ATP2A3: variants seen among roughly 807,000 people sequenced by gnomAD.
ATP2A3 encodes sarcoplasmic/endoplasmic reticulum calcium ATPase 3.
In ATP2A3, 61 loss-of-function variants were observed where a neutral mutation model predicts 106.8. That is an observed-to-expected ratio of 0.57 (90% confidence interval 0.46 to 0.71). ATP2A3 has a LOEUF of 0.71. Ranked by LOEUF, ATP2A3 falls within the 30% of genes least tolerant of loss-of-function variation. The pLI is 0.00. For missense variants in ATP2A3, 1,201 were observed against 1,423.5 expected (o/e 0.84, Z 2.52); for synonymous variants, 611 against 609.3 (o/e 1.00, Z -0.04).
At chr17:3,939,786 T>TAAAAAAA (rs71381543) in intron 14 of ATP2A3, among the ~76,000 whole-genome samples, 1 of 50,486 alleles carries the variant, frequency 2.0e-5, no homozygotes, top group Non-Finnish European at 4.0e-5. Context: ...AGACTCTGTC[T>TAAAAAAA]AAAAAAAAAA....
At chr17:3,950,977 A>G (rs572285387) in intron 5 of ATP2A3, among the ~76,000 whole-genome samples, 124 of 151,880 alleles carry the variant, frequency 8.2e-4, no homozygotes, top group African/African-American at 2.8e-3. Context: ...TCCGACAGCC[A>G]CCCCCTCTGT....
At chr17:3,944,878 C>CTAGGGGCGGGG in intron 9 of ATP2A3, 72 bp from the exon 10 acceptor site, 1 of 897,744 alleles carries the variant, frequency 1.1e-6, no homozygotes, top group Non-Finnish European at 1.6e-6. Flanking sequence ...TTGGCCCCGC[C>CTAGGGGCGGGG]CCTAGGAGGG....
intron 16 of ATP2A3, 72 bp from the exon 17 acceptor site, chr17:3,935,349 A>G: frequency 7.2e-7 from 1 of 1,387,872 alleles, no homozygotes; most frequent in Non-Finnish European, 1.0e-6. Flanking sequence ...CCTGCCTAAT[A>G]ATTCCCTGAA....
intron 12 of ATP2A3, 135 bp downstream of exon 12, chr17:3,942,471 G>A: frequency 7.5e-7 from 1 of 1,331,128 alleles, no homozygotes. Context: ...CCACCGGTTA[G>A]AGGCAAAAGG....
chr17:3,940,331 G>A (rs1289796993), intron 14 of ATP2A3, among the ~76,000 whole-genome samples: 1 of 152,090 alleles, frequency 6.6e-6, no homozygotes, highest in Non-Finnish European at 1.5e-5. Context: ...TCTAAAGTAG[G>A]TGAGGGGGAA....
chr17:3,951,558 G>GCCC, intron 4 of ATP2A3, 23 bp downstream of exon 4: 1 of 716,224 alleles, frequency 1.4e-6, no homozygotes, highest in Non-Finnish European at 2.1e-6. Flanking sequence ...CCCCCGCCCG[G>GCCC]TCCCACCCCC....
intron 1 of ATP2A3, among the ~76,000 whole-genome samples, chr17:3,963,464 T>C (rs2055250072): frequency 6.6e-6 from 1 of 152,196 alleles, no homozygotes; most frequent in Non-Finnish European, 1.5e-5. Flanking sequence ...AGAGCAAGAA[T>C]CCCACACTCC....
Position 3,964,199 on chromosome 17 carries a change from G to T in ATP2A3, c.93C>A (p.Gly31=). 1 of 1,247,052 alleles carries T rather than the reference G, an allele frequency of 8.0e-7. No homozygotes were observed. Among genetic ancestry groups the T allele is most frequent in the Non-Finnish European group, 1.0e-6 (1 of 984,906 alleles). The allele number at this position is 1,247,052 out of a possible 1,614,324, so 77.2% of individuals were successfully genotyped here. A position where few individuals can be genotyped will look rare whatever the true frequency, so the allele number is the denominator to read the frequency against. Residue 31 remains glycine (G), a synonymous_variant, in exon 1 of 21, where the codon GGC becomes GGA. Transcript: ENST00000397041. ...EGGLSPAQVT[G]ARERYGPNEL... ...CGTTGGGGCCGTAGCGCTCCCGCGC[G>T]CCGGTCACCTGCGCCGGGCTCAGGC...
In ATP2A3 at chr17:3,941,651, C is replaced by T; in HGVS notation, c.1549G>A (p.Ala517Thr). 1 of 1,606,552 alleles carries T rather than the reference C, an allele frequency of 6.2e-7. No homozygotes were observed. The highest frequency in any genetic ancestry group is 8.5e-7 in the Non-Finnish European group (1 of 1,179,922). The change falls in exon 13 of 21, where the codon GCT becomes ACT. Residue 517 changes from alanine to threonine, a missense_variant. Ala to Thr is a moderately conservative substitution (Grantham distance 58). Coordinates refer to ENST00000397041, the MANE Select transcript of ATP2A3 (RefSeq NM_005173.4). ...GQGSKMFVKG[A>T]PESVIERCSS... Reference sequence around the variant, plus strand: ...CAGCGCTCGATCACACTCTCAGGAGCCCCCTGCGAGGTGGGGAGAGGGAGA... The same window carrying T: ...CAGCGCTCGATCACACTCTCAGGAGTCCCCTGCGAGGTGGGGAGAGGGAGA...
In ATP2A3 at chr17:3,930,360, G is replaced by A. The variant is rs1351731399; in HGVS notation, c.2685C>T (p.Phe895=). 6.2e-7 allele frequency: 1 copy of A among 1,613,524 alleles called. No homozygotes were observed. The highest frequency in any genetic ancestry group is 2.2e-5 in the East Asian group (1 of 44,880). The change falls in exon 18 of 21, where the codon TTC becomes TTT. Residue 895 remains phenylalanine, a synonymous_variant. Coordinates refer to ENST00000397041, the MANE Select transcript of ATP2A3 (RefSeq NM_005173.4). The surrounding 1 kb of genome is among the most constrained non-coding windows in gnomAD (Gnocchi z 5.4). Reference sequence around the variant, plus strand: ...GCACGGACAAGGCCATGGTGGTGGGGAAGCGTGACTCGAACACCTCACAGT... The same window carrying A: ...GCACGGACAAGGCCATGGTGGTGGGAAAGCGTGACTCGAACACCTCACAGT... ...GIDCEVFESR[F]PTTMALSVLV...
intron 3 of ATP2A3, among the ~76,000 whole-genome samples, 163 bp from the exon 4 acceptor site, chr17:3,951,848 AG>A (rs1449999629): frequency 6.6e-6 from 1 of 152,170 alleles, no homozygotes; most frequent in African/African-American, 2.4e-5. Context: ...GCCTTGGCAC[AG>A]GGTGCCCACC....
Position 3,964,269 on chromosome 17 carries a change from G to A in ATP2A3, c.23C>T (p.Pro8Leu), listed in dbSNP as rs1001533464. The A allele has an allele frequency of 7.8e-6, 10 of 1,280,752 alleles. No homozygotes were observed. Among genetic ancestry groups the A allele is most frequent in the Middle Eastern group, 3.1e-4 (1 of 3,274 alleles). The allele number at this position is 1,280,752 out of a possible 1,614,324, so 79.3% of individuals were successfully genotyped here. A position where few individuals can be genotyped will look rare whatever the true frequency, so the allele number is the denominator to read the frequency against. Residue 8 changes from proline to leucine, a missense_variant, in exon 1 of 21, where the codon CCG (proline) becomes CTG (leucine). By Grantham distance (98) the Pro-to-Leu change is moderately conservative (BLOSUM62 -3). Transcript: ENST00000397041. ...GAAGTGGCGCAGCACGTCGGCGGCCGGGAGCAGATGCGCCGCCTCCATGCC... is the reference window on the plus strand; with the variant it reads ...GAAGTGGCGCAGCACGTCGGCGGCCAGGAGCAGATGCGCCGCCTCCATGCC... MEAAHLLPAADVLRHFSV... is the reference protein window; with the variant it reads MEAAHLLLAADVLRHFSV...
Position 3,935,290 on chromosome 17 carries a change from G to A in ATP2A3, c.2525-13C>T. 6.2e-7 allele frequency: 1 copy of A among 1,612,008 alleles called. No homozygotes were observed. Among genetic ancestry groups the A allele is most frequent in the Non-Finnish European group, 8.5e-7 (1 of 1,179,026 alleles). ...AGGCCTACGTACACTGCGGGGAAGGGAGGAGACCGGCTGTAGAGAATGGCG... is the reference window on the plus strand; with the variant it reads ...AGGCCTACGTACACTGCGGGGAAGGAAGGAGACCGGCTGTAGAGAATGGCG... On this transcript the variant is annotated splice_polypyrimidine_tract_variant and intron_variant, in intron 16 of 20. Coordinates refer to ENST00000397041, the MANE Select transcript of ATP2A3 (RefSeq NM_005173.4).
chr17:3,942,507 C>T lies in ATP2A3; in HGVS notation c.1545+99G>A, dbSNP rs1038682159. On this transcript the variant is annotated intron_variant, in intron 12 of 20. Coordinates refer to ENST00000397041, the MANE Select transcript of ATP2A3 (RefSeq NM_005173.4). Reference sequence around the variant, plus strand: ...GGCTCCTGAGAACTTGTAACCCAACCCTGCCATTCACACGGGAGGACTGGG... The same window carrying T: ...GGCTCCTGAGAACTTGTAACCCAACTCTGCCATTCACACGGGAGGACTGGG... The T allele has an allele frequency of 2.0e-5, 30 of 1,518,624 alleles. No homozygotes were observed. The East Asian group carries it at 4.0e-4, about 20-fold the overall frequency. The allele number at this position is 1,518,624 out of a possible 1,614,324, so 94.1% of individuals were successfully genotyped here. A position where few individuals can be genotyped will look rare whatever the true frequency, so the allele number is the denominator to read the frequency against.
At chr17:3,939,640 A>T (rs961874036) in intron 14 of ATP2A3, among the ~76,000 whole-genome samples, 3 of 151,842 alleles carry the variant, frequency 2.0e-5, no homozygotes, top group Admixed American at 6.6e-5. Flanking sequence ...TAAAAAAATT[A>T]GCTGGGCATG....
rs775078349 is a variant in ATP2A3 at position 3,936,337 on chromosome 17, C to G, written c.2454G>C (p.Glu818Asp). The change falls in exon 16 of 21, where the codon GAG (glutamate) becomes GAC (aspartate). Residue 818 changes from glutamate to aspartate, a missense_variant. Glu to Asp is a conservative substitution (Grantham distance 45). This residue lies in a region of ATP2A3 where 935 missense variants were observed against 1,176.7 expected (regional missense o/e 0.79). Transcript: ENST00000397041. This position sits in a 1 kb window ranked among gnomAD's most constrained non-coding sequence, Gnocchi z 5.4. Reference protein sequence around the residue: ...GFNPPDLDIMEKLPRSPREAL... With the variant: ...GFNPPDLDIMDKLPRSPREAL... ...CTTCTCGGGGGCTCCGGGGCAGCTT[C>G]TCCATGATGTCCAGGTCTGGCGGGT... is the stretch of plus-strand genomic sequence containing the variant. 6.2e-7 allele frequency: 1 copy of G among 1,614,136 alleles called. No homozygotes were observed. The highest frequency in any genetic ancestry group is 8.5e-7 in the Non-Finnish European group (1 of 1,180,048).
chr17:3,929,318 G>A lies in ATP2A3; in HGVS notation c.2862+10C>T. ...GGGACCAGGGCAGTGGGGCAGGCGG[G>A]GTGACTCACAGGCAGGGGCGGCACG... On this transcript the variant is annotated intron_variant, in intron 19 of 20. Transcript: ENST00000397041. This position sits in a 1 kb window ranked among gnomAD's most constrained non-coding sequence, Gnocchi z 4.3. 6.5e-7 allele frequency: 1 copy of A among 1,548,166 alleles called. No individual in the cohort carries two copies. The highest frequency in any genetic ancestry group is 8.7e-7 in the Non-Finnish European group (1 of 1,145,076).
intron 6 of ATP2A3, 30 bp downstream of exon 6, chr17:3,950,663 T>C (rs1386768698): frequency 1.9e-6 from 3 of 1,613,136 alleles, no homozygotes; most frequent in South Asian, 1.1e-5. Flanking sequence ...CCTGGCCCAC[T>C]AGGTCCCGGC....
chr17:3,957,951 AC>A (rs1290982475), intron 1 of ATP2A3, among the ~76,000 whole-genome samples: 2 of 152,076 alleles, frequency 1.3e-5, no homozygotes, highest in African/African-American at 4.8e-5. Flanking sequence ...CGCCACGGTG[AC>A]CCCTGCCTGG....
Sources: gnomAD v4.1 joint callset for allele counts (sites outside exome capture counted in the v4.1 genomes callset) on GRCh38, gnomAD v4.1.1 for gene constraint, gnomAD v4.1.1 regional missense constraint, Gnocchi (gnomAD v3.1) non-coding constraint, MANE v1.5 for transcripts, NCBI Gene and HGNC (gene_info 2026-07-23, HGNC 2026-07-21) for gene names.